Variants in CENPS observed in about 807,000 individuals in gnomAD.
CENPS encodes the protein FANCM associated histone fold protein 1.
In CENPS, 16 loss-of-function variants were observed where a neutral mutation model predicts 17.9. The observed-to-expected ratio is 0.90, with a 90% CI of 0.61 to 1.36. The LOEUF (loss-of-function observed/expected upper bound fraction) is 1.36, where lower values mean the gene tolerates loss of function less well. Ranked by LOEUF, CENPS falls within the 40% of genes most tolerant of loss-of-function variation. CENPS has a pLI of 0.00. For synonymous variants in CENPS, 49 were observed against 55.8 expected (o/e 0.88, Z 0.54); for missense variants, 160 against 158.6 (o/e 1.01, Z -0.05).
intron 3 of CENPS, among the ~76,000 whole-genome samples, chr1:10,435,706 T>TACACGCACACACACAC (rs1405520586): frequency 2.1e-5 from 3 of 141,760 alleles, no homozygotes; most frequent in Non-Finnish European, 4.6e-5. Context: ...AAAAATAATA[T>TACACGCACACACACAC]ATATATATAT....
intron 3 of CENPS, among the ~76,000 whole-genome samples, chr1:10,439,004 C>T (rs934898414): frequency 1.3e-5 from 2 of 152,038 alleles, no homozygotes; most frequent in Admixed American, 1.3e-4. Flanking sequence ...CTTTTTTCTC[C>T]CCTGTGTCCT....
At chr1:10,430,774 G>T (rs1180178722) in intron 1 of CENPS, 43 of 1,389,952 alleles carry the variant, frequency 3.1e-5, no homozygotes, top group Non-Finnish European at 3.7e-5. Context: ...GCCTGCGCTG[G>T]CTGGGGAGGA....
At chr1:10,440,474 A>G (rs1640361336) in intron 4 of CENPS, 61 bp downstream of exon 4, 3 of 1,595,930 alleles carry the variant, frequency 1.9e-6, no homozygotes, top group Admixed American at 1.7e-5. Flanking sequence ...TTCCCAATCA[A>G]TCACTTGAAG....
At chr1:10,433,018 C>G in intron 1 of CENPS, among the ~76,000 whole-genome samples, 1 of 152,184 alleles carries the variant, frequency 6.6e-6, no homozygotes, top group East Asian at 1.9e-4. Flanking sequence ...AGTTCCTCCT[C>G]CTCTTGCCTA....
intron 3 of CENPS, chr1:10,440,085 G>C: frequency 2.0e-6 from 1 of 493,040 alleles, no homozygotes; most frequent in Admixed American, 3.9e-5. Flanking sequence ...CCAGCCTCCT[G>C]TCTGTGCTCT....
At chr1:10,435,258 T>G (rs537964273) in intron 3 of CENPS, among the ~76,000 whole-genome samples, 8 of 152,324 alleles carry the variant, frequency 5.3e-5, no homozygotes, top group African/African-American at 1.7e-4. Flanking sequence ...CCGCAGGTAA[T>G]TGAAAACAAT....
chr1:10,436,708 T>TAAAAAA (rs550913401), intron 3 of CENPS, among the ~76,000 whole-genome samples: 4 of 125,020 alleles, frequency 3.2e-5, no homozygotes, highest in African/African-American at 9.3e-5. Context: ...TCTGTCTCTT[T>TAAAAAA]AAAAAAAAAA....
chr1:10,436,686 A>G (rs1341043623), intron 3 of CENPS, among the ~76,000 whole-genome samples: 1 of 148,838 alleles, frequency 6.7e-6, no homozygotes, highest in East Asian at 2.0e-4. Context: ...AGCCTGGGTG[A>G]CAGAGTGAGA....
At chr1:10,434,041 G>A in intron 2 of CENPS, 76 bp downstream of exon 2, 1 of 1,593,538 alleles carries the variant, frequency 6.3e-7, no homozygotes, top group Non-Finnish European at 8.6e-7. Context: ...TGCGTGGGTG[G>A]GAGCTGTGGC....
Position 10,436,507 on chromosome 1 carries a change from G to T in CENPS, c.209+1817G>T, listed in dbSNP as rs1241095851. The stretch of plus-strand genomic sequence containing the variant: ...ACCTGAGCTCAGGAGTTCGAGACCA[G>T]CCTGGGCAACAGGGTGAAACCCTGT... On this transcript the variant is annotated intron_variant, in intron 3 of 4. Coordinates refer to ENST00000309048, the MANE Select transcript of CENPS (RefSeq NM_199294.3). Among the ~76,000 whole-genome samples the T allele has an allele frequency of 2.0e-5, 3 of 148,844 alleles. 1 individual carries two copies. Among genetic ancestry groups the T allele is most frequent in the African/African-American group, 7.4e-5 (3 of 40,374 alleles).
At chr1:10,434,798 T>C (rs935473152) in intron 3 of CENPS, 108 bp downstream of exon 3, 25 of 1,411,508 alleles carry the variant, frequency 1.8e-5, no homozygotes, top group Non-Finnish European at 2.1e-5. Flanking sequence ...TTTCCGTGTG[T>C]TTTGTGGAGG....
chr1:10,442,202 T>G, intron 4 of CENPS, 63 bp from the exon 5 acceptor site: 1 of 1,527,648 alleles, frequency 6.5e-7, no homozygotes, highest in Non-Finnish European at 8.7e-7. Flanking sequence ...GTTTCGTTTG[T>G]TTGTTTATTT....
At chr1:10,438,322 T>C (rs1447948780) in intron 3 of CENPS, among the ~76,000 whole-genome samples, 2 of 152,042 alleles carry the variant, frequency 1.3e-5, no homozygotes, top group African/African-American at 2.4e-5. Flanking sequence ...TTTTTGTCGT[T>C]GTAGTAGAGA....
At chr1:10,434,801 T>C in intron 3 of CENPS, 111 bp downstream of exon 3, 5 of 1,389,556 alleles carry the variant, frequency 3.6e-6, no homozygotes, top group Non-Finnish European at 4.8e-6. Flanking sequence ...CCGTGTGTTT[T>C]GTGGAGGCTT....
chr1:10,432,121 CTTG>C lies in CENPS; in HGVS notation c.51+1558_51+1560del, dbSNP rs1410124989. On this transcript the variant is annotated intron_variant, in intron 1 of 4. Transcript: ENST00000309048. ...GTTTTTTTTGAAACGTAGTTTCACTCTTGTTGTCCAGGCTGGAGTGCAGTGGCT... is the reference window on the plus strand; with the variant it reads ...GTTTTTTTTGAAACGTAGTTTCACTCTTGTCCAGGCTGGAGTGCAGTGGCT... Among the ~76,000 whole-genome samples the C allele has an allele frequency of 4.0e-5, 6 of 151,718 alleles. No homozygotes were observed. The East Asian group carries it at 7.7e-4, about 20-fold the overall frequency.
intron 1 of CENPS, chr1:10,431,305 G>T: frequency 6.5e-7 from 1 of 1,535,126 alleles, no homozygotes; most frequent in Non-Finnish European, 8.7e-7. Flanking sequence ...CTCCAGACGC[G>T]GGAGTTTCCT....
chr1:10,431,112 C>T (rs761130333), intron 1 of CENPS: 17 of 1,412,702 alleles, frequency 1.2e-5, no homozygotes, highest in Non-Finnish European at 1.6e-5. Flanking sequence ...CAATTTTCTT[C>T]TCTGCAAAAT....
chr1:10,435,702 AATATATATATAT>A (rs71571900), intron 3 of CENPS, among the ~76,000 whole-genome samples: 1 of 144,970 alleles, frequency 6.9e-6, no homozygotes, highest in Non-Finnish European at 1.5e-5. Flanking sequence ...ACTTAAAAAT[AATATATATATAT>A]ATACACACAC....
chr1:10,433,689 A>G (rs916016058), intron 1 of CENPS, among the ~76,000 whole-genome samples, 153 bp from the exon 2 acceptor site: 4 of 152,194 alleles, frequency 2.6e-5, no homozygotes, highest in Admixed American at 1.3e-4. Context: ...GGTCTCATTA[A>G]CTTATTAGTA....
Sources: allele counts gnomAD v4.1 joint callset (sites outside exome capture counted in the v4.1 genomes callset), GRCh38; gene constraint gnomAD v4.1.1; transcripts MANE v1.5; gene names NCBI Gene and HGNC (gene_info 2026-07-23, HGNC 2026-07-21).